Variants in XKR4 observed in about 807,000 individuals in gnomAD.
XKR4 encodes XK-related protein 4.
A neutral mutation model predicts 53.9 loss-of-function variants in XKR4; 12 were observed. The observed-to-expected ratio is 0.22, with a 90% CI of 0.14 to 0.36. XKR4 has a LOEUF of 0.36. Ranked by LOEUF, XKR4 falls within the 10% of genes least tolerant of loss-of-function variation. The pLI is 1.00. For missense variants in XKR4, 799 were observed against 859.5 expected, an observed-to-expected ratio of 0.93 and a Z score of 0.88; for synonymous variants, 354 against 362.4, an observed-to-expected ratio of 0.98 and a Z score of 0.26.
chr8:55,445,635 A>G (rs1411841298), intron 2 of XKR4, among the ~76,000 whole-genome samples: 1 of 151,932 alleles, frequency 6.6e-6, no homozygotes, highest in Admixed American at 6.6e-5. Flanking sequence ...GTGGTTTCTC[A>G]GAGCATGTGC....
intron 2 of XKR4, among the ~76,000 whole-genome samples, chr8:55,518,901 A>G (rs147268194): frequency 6.6e-6 from 1 of 152,344 alleles, no homozygotes; most frequent in African/African-American, 2.4e-5. Flanking sequence ...AAAGAAGAGG[A>G]GAGAGAAAAA....
At chr8:55,141,361 C>G (rs925335489) in intron 1 of XKR4, among the ~76,000 whole-genome samples, 1 of 152,076 alleles carries the variant, frequency 6.6e-6, no homozygotes, top group Non-Finnish European at 1.5e-5. Context: ...CAACTGTGGC[C>G]GCTCTGGCAT....
chr8:55,132,496 C>G (rs1349482321), intron 1 of XKR4, among the ~76,000 whole-genome samples: 2 of 152,114 alleles, frequency 1.3e-5, no homozygotes, highest in African/African-American at 4.8e-5. Context: ...TAACAATATA[C>G]TGTAATAAAA....
At chr8:55,420,213 A>C (rs1350839048) in intron 2 of XKR4, among the ~76,000 whole-genome samples, 1 of 152,224 alleles carries the variant, frequency 6.6e-6, no homozygotes, top group East Asian at 1.9e-4. Context: ...GATTGTGCAT[A>C]AAAGGAAGCC....
chr8:55,225,998 C>G (rs1185024159), intron 1 of XKR4, among the ~76,000 whole-genome samples: 1 of 152,180 alleles, frequency 6.6e-6, no homozygotes, highest in South Asian at 2.1e-4. Context: ...CTGGCCCAGA[C>G]AACACCGTCC....
chr8:55,345,379 T>C (rs1439442647), intron 1 of XKR4, among the ~76,000 whole-genome samples: 3 of 152,184 alleles, frequency 2.0e-5, no homozygotes, highest in Non-Finnish European at 2.9e-5. Flanking sequence ...TGAATAAGTA[T>C]GACTGTACTT....
At chr8:55,197,721 T>A (rs1817523758) in intron 1 of XKR4, among the ~76,000 whole-genome samples, 1 of 152,042 alleles carries the variant, frequency 6.6e-6, no homozygotes, top group African/African-American at 2.4e-5. Flanking sequence ...TTTTTTGTAT[T>A]TTTAGTAGAG....
intron 2 of XKR4, among the ~76,000 whole-genome samples, chr8:55,407,698 G>T (rs1207660203): frequency 6.6e-6 from 1 of 152,254 alleles, no homozygotes; most frequent in African/African-American, 2.4e-5. Flanking sequence ...GGAGCACTGG[G>T]CACTAGAGGT....
At chr8:55,173,970 A>T (rs1817197661) in intron 1 of XKR4, among the ~76,000 whole-genome samples, 2 of 152,212 alleles carry the variant, frequency 1.3e-5, no homozygotes, top group African/African-American at 2.4e-5. Flanking sequence ...AGAATTACGG[A>T]TGTGAGCATT....
In XKR4 at chr8:55,527,723, C is replaced by T. The variant is rs1372169589; in HGVS notation, c.*3496C>T. On this transcript the variant is annotated 3_prime_UTR_variant, in exon 3 of 3. Transcript: ENST00000327381. Reference sequence around the variant, plus strand: ...TTTGTGATAAACGCTGTTAACCCAACAAATATAATAAATTCTCTTACTGAC... The same window carrying T: ...TTTGTGATAAACGCTGTTAACCCAATAAATATAATAAATTCTCTTACTGAC... 1 of 152,102 alleles carries T rather than the reference C, an allele frequency of 6.6e-6. No individual in the cohort carries two copies. The highest frequency in any genetic ancestry group is 1.5e-5 in the Non-Finnish European group (1 of 68,004). The allele number at this position is 152,102 out of a possible 1,614,324, so 9.4% of individuals were successfully genotyped here. A position where few individuals can be genotyped will look rare whatever the true frequency, so the allele number is the denominator to read the frequency against.
At chr8:55,414,890 A>C (rs1288726413) in intron 2 of XKR4, among the ~76,000 whole-genome samples, 1 of 152,200 alleles carries the variant, frequency 6.6e-6, no homozygotes, top group Non-Finnish European at 1.5e-5. Context: ...CCAGCATCTC[A>C]AAGTAGACGC....
intron 1 of XKR4, among the ~76,000 whole-genome samples, chr8:55,131,837 A>G (rs1483956052): frequency 6.6e-6 from 1 of 152,040 alleles, no homozygotes; most frequent in Admixed American, 6.6e-5. Flanking sequence ...CCAAAGCTGC[A>G]TAGCCAGGAC....
At chr8:55,217,023 A>T (rs1817810628) in intron 1 of XKR4, among the ~76,000 whole-genome samples, 1 of 152,018 alleles carries the variant, frequency 6.6e-6, no homozygotes, top group South Asian at 2.1e-4. Context: ...TGGGTGGATC[A>T]CGAGGTCAGG....
At chr8:55,477,550 G>C (rs1457630963) in intron 2 of XKR4, among the ~76,000 whole-genome samples, 1 of 152,280 alleles carries the variant, frequency 6.6e-6, no homozygotes, top group Non-Finnish European at 1.5e-5. Flanking sequence ...AACAAAGCTG[G>C]ACGGAGAATG....
At chr8:55,468,221 T>C (rs1007923421) in intron 2 of XKR4, among the ~76,000 whole-genome samples, 30 of 152,096 alleles carry the variant, frequency 2.0e-4, no homozygotes, top group African/African-American at 7.2e-4. Flanking sequence ...GAGAGATGAA[T>C]GTATCATTCC....
intron 1 of XKR4, among the ~76,000 whole-genome samples, chr8:55,177,163 A>G (rs1411615312): frequency 6.6e-6 from 1 of 151,854 alleles, no homozygotes; most frequent in East Asian, 1.9e-4. Flanking sequence ...CAGCTTCCCA[A>G]GTAGCTGGGA....
At chr8:55,507,072 C>T (rs978443036) in intron 2 of XKR4, among the ~76,000 whole-genome samples, 2 of 152,130 alleles carry the variant, frequency 1.3e-5, no homozygotes, top group African/African-American at 4.8e-5. Flanking sequence ...GTCTTTTCTA[C>T]AAGTTTATCA....
Position 55,528,187 on chromosome 8 carries a change from C to G in XKR4, c.*3960C>G, listed in dbSNP as rs749391365. The G allele has an allele frequency of 6.6e-6, 1 of 152,206 alleles. No homozygotes were observed. Among genetic ancestry groups the G allele is most frequent in the Non-Finnish European group, 1.5e-5 (1 of 68,030 alleles). The allele number at this position is 152,206 out of a possible 1,614,324, so 9.4% of individuals were successfully genotyped here. ...CCAAGCTTACAGTCCATCTATAAGA[C>G]CAACACACTTACGAACTTCAGTTGG... On this transcript the variant is annotated 3_prime_UTR_variant, in exon 3 of 3. Coordinates refer to ENST00000327381, the MANE Select transcript of XKR4 (RefSeq NM_052898.2).
intron 1 of XKR4, among the ~76,000 whole-genome samples, chr8:55,262,569 GA>G (rs1229340399): frequency 2.6e-5 from 4 of 152,218 alleles, no homozygotes; most frequent in Non-Finnish European, 5.9e-5. Flanking sequence ...ATGCACTGAG[GA>G]AAGGCCATGT....
Sources: allele counts gnomAD v4.1 joint callset (sites outside exome capture counted in the v4.1 genomes callset), GRCh38; gene constraint gnomAD v4.1.1; transcripts MANE v1.5; gene names NCBI Gene and HGNC (gene_info 2026-07-23, HGNC 2026-07-21).